ITPKC: variants seen among roughly 807,000 people sequenced by gnomAD.
ITPKC encodes IP3 3-kinase C.
A neutral mutation model predicts 67.1 loss-of-function variants in ITPKC; 33 were observed. That is an observed-to-expected ratio of 0.49 (90% CI 0.37 to 0.66). The LOEUF is 0.66. Among genes scored for constraint, ITPKC ranks in the 30% least tolerant of loss-of-function variants. The pLI is 0.00. For missense variants in ITPKC, 820 were observed against 892.1 expected (o/e 0.92, Z 1.03); for synonymous variants, 341 against 359.8 (o/e 0.95, Z 0.59).
intron 1 of ITPKC, among the ~76,000 whole-genome samples, chr19:40,722,179 A>G (rs2082225713): frequency 6.6e-6 from 1 of 152,086 alleles, no homozygotes; most frequent in Non-Finnish European, 1.5e-5. Flanking sequence ...TGTAGGGGAT[A>G]AGCCCCAAGG....
intron 3 of ITPKC, among the ~76,000 whole-genome samples, chr19:40,731,595 G>GTTT (rs776003885): frequency 0.012 from 979 of 80,874 alleles, 22 homozygotes; most frequent in African/African-American, 0.026. Context: ...CCAATCCTTG[G>GTTT]TTTTTTTTTT....
At chr19:40,737,649 G>C (rs1332711227) in intron 5 of ITPKC, 49 bp from the exon 6 acceptor site, 1 of 1,526,992 alleles carries the variant, frequency 6.5e-7, no homozygotes. Context: ...AGGTGGGCAA[G>C]GCCCCACAAA....
intron 1 of ITPKC, among the ~76,000 whole-genome samples, chr19:40,720,714 AC>A (rs1045119316): frequency 4.0e-5 from 6 of 150,304 alleles, no homozygotes; most frequent in Non-Finnish European, 7.4e-5. Flanking sequence ...CCTCCTCCTG[AC>A]CCCCTCTGCT....
intron 1 of ITPKC, among the ~76,000 whole-genome samples, chr19:40,720,449 A>G (rs2082216550): frequency 6.6e-6 from 1 of 152,004 alleles, no homozygotes; most frequent in Non-Finnish European, 1.5e-5. Flanking sequence ...TGGCCACGTC[A>G]AGTCAGAGCC....
chr19:40,736,297 A>G (rs915621645), intron 4 of ITPKC, among the ~76,000 whole-genome samples: 8 of 151,994 alleles, frequency 5.3e-5, no homozygotes, highest in Non-Finnish European at 7.4e-5. Flanking sequence ...CAAAAAAAAA[A>G]AGAAAAGAGC....
chr19:40,739,277 C>A, intron 6 of ITPKC, 80 bp from the exon 7 acceptor site: 1 of 1,026,052 alleles, frequency 9.7e-7, no homozygotes, highest in Non-Finnish European at 1.5e-6. Flanking sequence ...TGCTGTCAAT[C>A]ACCCTGCTCT....
intron 3 of ITPKC, among the ~76,000 whole-genome samples, chr19:40,731,607 T>G (rs990802537): frequency 6.5e-5 from 9 of 138,598 alleles, no homozygotes; most frequent in African/African-American, 2.4e-4. Flanking sequence ...TTTTTTTTTT[T>G]TTTTTTTTTT....
intron 4 of ITPKC, among the ~76,000 whole-genome samples, chr19:40,734,609 CTCTTT>C (rs988649866): frequency 1.6e-4 from 24 of 150,070 alleles, no homozygotes; most frequent in African/African-American, 4.8e-4. Flanking sequence ...TCTCATTCTT[CTCTTT>C]TCTTTTTTTT....
chr19:40,725,384 C>T lies in ITPKC; in HGVS notation c.1200C>T (p.Pro400=). Residue 400 remains proline (P), a synonymous_variant, in exon 2 of 7, where the codon CCC becomes CCT. Coordinates refer to ENST00000263370, the MANE Select transcript of ITPKC (RefSeq NM_025194.3). ...KKLKTVLKYS[P]FVVSFRKHYP... is the part of the protein sequence containing the mutation. Reference sequence around the variant, plus strand: ...TGAAGACAGTTCTGAAGTATTCACCCTTTGTGGTCTCCTTCCGAAAACACT... The same window carrying T: ...TGAAGACAGTTCTGAAGTATTCACCTTTTGTGGTCTCCTTCCGAAAACACT... The T allele has an allele frequency of 6.2e-7, 1 of 1,614,052 alleles. No individual in the cohort carries two copies. The highest frequency in any genetic ancestry group is 2.2e-5 in the East Asian group (1 of 44,884).
In ITPKC at chr19:40,717,585, C is replaced by T. The variant is rs763588386; in HGVS notation, c.450C>T (p.His150=). ...TGTDGLWTDP[H]RSDLQFQPEE... ...CAGATGGCCTTTGGACTGATCCGCA[C>T]AGGTCCGACCTCCAGTTTCAGCCCG... The change falls in exon 1 of 7, where the codon CAC becomes CAT. Residue 150 remains histidine (H), a synonymous_variant. Transcript: ENST00000263370. The T allele has an allele frequency of 8.7e-6, 14 of 1,614,034 alleles. No individual in the cohort carries two copies. The highest frequency in any genetic ancestry group is 4.4e-5 in the South Asian group (4 of 91,088).
intron 4 of ITPKC, among the ~76,000 whole-genome samples, chr19:40,736,056 C>G (rs1430024514): frequency 6.6e-6 from 1 of 152,152 alleles, no homozygotes; most frequent in African/African-American, 2.4e-5. Context: ...CTTTGGGAGG[C>G]CAAGGCGGGC....
rs2144727119 is a variant in ITPKC at position 40,717,555 on chromosome 19, C to A, written c.420C>A (p.Thr140=). 1 of 1,614,078 alleles carries A rather than the reference C, an allele frequency of 6.2e-7. No individual in the cohort carries two copies. The highest frequency in any genetic ancestry group is 8.5e-7 in the Non-Finnish European group (1 of 1,179,996). ...ELETTCLWTE[T]GTDGLWTDPH... is the part of the protein sequence containing the mutation. ...AGACGACTTGTCTTTGGACGGAGAC[C>A]GGGACAGATGGCCTTTGGACTGATC... The change falls in exon 1 of 7, where the codon ACC becomes ACA. Residue 140 remains threonine (T), a synonymous_variant. Transcript: ENST00000263370.
chr19:40,734,549 G>A (rs1214196870), intron 4 of ITPKC, among the ~76,000 whole-genome samples: 1 of 152,040 alleles, frequency 6.6e-6, no homozygotes, highest in Non-Finnish European at 1.5e-5. Context: ...CTAGTACCTT[G>A]AAGTGAAGTT....
intron 1 of ITPKC, among the ~76,000 whole-genome samples, chr19:40,719,582 T>G (rs1249636369): frequency 6.6e-6 from 1 of 151,980 alleles, no homozygotes; most frequent in Non-Finnish European, 1.5e-5. Flanking sequence ...CTTCACTTCC[T>G]GGGTTCAAGT....
intron 3 of ITPKC, among the ~76,000 whole-genome samples, chr19:40,730,034 G>A (rs1299712638): frequency 6.6e-6 from 1 of 152,084 alleles, no homozygotes. Flanking sequence ...TCCACCTCCT[G>A]GGTTTAAGTG....
rs145921796 is a variant in ITPKC at position 40,737,766 on chromosome 19, C to T, written c.1845C>T (p.His615=). ...AGATCTCCCCCTTCTTCAAGACCCACGAGGTGCGAGCCCTGGCTTCCATGG... is the reference window on the plus strand; with the variant it reads ...AGATCTCCCCCTTCTTCAAGACCCATGAGGTGCGAGCCCTGGCTTCCATGG... ...ALEISPFFKT[H]EVVGSSLLFV... The change falls in exon 6 of 7, where the codon CAC becomes CAT. Residue 615 remains histidine (H), a synonymous_variant. Coordinates refer to ENST00000263370, the MANE Select transcript of ITPKC (RefSeq NM_025194.3). 275 of 1,613,758 alleles carry T rather than the reference C, an allele frequency of 1.7e-4. 1 individual carries two copies. The highest frequency in any genetic ancestry group is 6.4e-4 in the African/African-American group (48 of 75,042).
At chr19:40,731,617 T>TTTTTTTTTTG (rs796649467) in intron 3 of ITPKC, among the ~76,000 whole-genome samples, 3 of 135,346 alleles carry the variant, frequency 2.2e-5, no homozygotes, top group Admixed American at 7.6e-5. Context: ...TTTTTTTTTT[T>TTTTTTTTTTG]TTTGAGAGGG....
Position 40,737,786 on chromosome 19 carries a change from C to G in ITPKC, c.1848+17C>G. On this transcript the variant is annotated intron_variant, in intron 6 of 6. Transcript: ENST00000263370. ...ACCCACGAGGTGCGAGCCCTGGCTT[C>G]CATGGGTGGATGTATGGGTGTCGGG... 1 of 1,608,188 alleles carries G rather than the reference C, an allele frequency of 6.2e-7. No individual in the cohort carries two copies. The highest frequency in any genetic ancestry group is 8.5e-7 in the Non-Finnish European group (1 of 1,174,680).
At chr19:40,736,888 C>A in intron 4 of ITPKC, 98 bp from the exon 5 acceptor site, 1 of 720,648 alleles carries the variant, frequency 1.4e-6, no homozygotes, top group Non-Finnish European at 2.4e-6. Flanking sequence ...TGGTCTTGGC[C>A]ACCGCGCCCG....
Sources: gnomAD v4.1 joint callset for allele counts (sites outside exome capture counted in the v4.1 genomes callset) on GRCh38, gnomAD v4.1.1 for gene constraint, MANE v1.5 for transcripts, NCBI Gene and HGNC (gene_info 2026-07-23, HGNC 2026-07-21) for gene names.